Variants in FAM110B observed in about 807,000 individuals in gnomAD.
FAM110B encodes protein FAM110B.
Under a neutral mutation model 20.4 loss-of-function variants are expected in FAM110B, and 6 were observed. The ratio of observed to expected loss-of-function variants is 0.29; its 90% CI spans 0.16 to 0.58. FAM110B has a LOEUF of 0.58. Ranked by LOEUF, FAM110B falls within the 20% of genes least tolerant of loss-of-function variation. FAM110B has a pLI of 0.90. For missense variants in FAM110B, 434 were observed against 498.2 expected (o/e 0.87, Z 1.23); for synonymous variants, 226 against 214.1 (o/e 1.06, Z -0.49).
intron 2 of FAM110B, among the ~76,000 whole-genome samples, chr8:58,062,844 A>G (rs80095488): frequency 6.3e-4 from 96 of 152,368 alleles, no homozygotes; most frequent in African/African-American, 2.0e-3. Context: ...TTCCAAGTAT[A>G]TAAGAATATC....
chr8:58,120,151 G>C lies in FAM110B; in HGVS notation c.-324-25756G>C, dbSNP rs1473347051. Reference sequence around the variant, plus strand: ...GCTGGAGCATATTTAAAGAAGATAGGCAAACTATGTTTGCACATAATTTTT... The same window carrying C: ...GCTGGAGCATATTTAAAGAAGATAGCCAAACTATGTTTGCACATAATTTTT... On this transcript the variant is annotated intron_variant, in intron 3 of 3. Transcript: ENST00000519262. Among the ~76,000 whole-genome samples the C allele has an allele frequency of 2.6e-5, 4 of 152,154 alleles. No individual in the cohort carries two copies. The East Asian group carries it at 7.7e-4, about 29-fold the overall frequency.
chr8:58,023,056 A>C (rs1432316911), intron 1 of FAM110B, among the ~76,000 whole-genome samples: 1 of 152,190 alleles, frequency 6.6e-6, no homozygotes, highest in East Asian at 1.9e-4. Flanking sequence ...CTTCATCAGA[A>C]CTCTCTAATA....
chr8:58,136,671 C>T (rs560800811), intron 3 of FAM110B, among the ~76,000 whole-genome samples: 14 of 152,174 alleles, frequency 9.2e-5, no homozygotes, highest in Non-Finnish European at 1.8e-4. Flanking sequence ...AAGGCTCCCC[C>T]TCACTGATGC....
At chr8:58,087,486 A>G (rs1007225214) in intron 3 of FAM110B, among the ~76,000 whole-genome samples, 1 of 152,218 alleles carries the variant, frequency 6.6e-6, no homozygotes, top group Non-Finnish European at 1.5e-5. Flanking sequence ...ACAGAGCATC[A>G]GAGAAAAGGG....
At chr8:58,068,857 C>T (rs1404545824) in intron 2 of FAM110B, among the ~76,000 whole-genome samples, 3 of 152,124 alleles carry the variant, frequency 2.0e-5, no homozygotes, top group Non-Finnish European at 4.4e-5. Flanking sequence ...CCCTTTTCAA[C>T]ATAAATTTGT....
chr8:58,029,228 GAACAC>G (rs1804916872), intron 1 of FAM110B, among the ~76,000 whole-genome samples: 1 of 152,182 alleles, frequency 6.6e-6, no homozygotes, highest in Non-Finnish European at 1.5e-5. Flanking sequence ...TTTGTGTATA[GAACAC>G]CTATGTTTTG....
intron 2 of FAM110B, among the ~76,000 whole-genome samples, chr8:58,065,635 A>T (rs1403227013): frequency 6.6e-6 from 1 of 152,168 alleles, no homozygotes; most frequent in Admixed American, 6.5e-5. Context: ...TAGATTAATC[A>T]TATCCAGTTA....
intron 1 of FAM110B, among the ~76,000 whole-genome samples, chr8:58,019,976 G>A (rs991383698): frequency 8.6e-5 from 13 of 151,230 alleles, no homozygotes; most frequent in African/African-American, 2.7e-4. Flanking sequence ...TTATTGTTTG[G>A]TATTATCTTG....
intron 2 of FAM110B, among the ~76,000 whole-genome samples, chr8:58,058,771 T>C (rs1805597958): frequency 6.6e-6 from 1 of 152,214 alleles, no homozygotes; most frequent in South Asian, 2.1e-4. Context: ...TAAAACCTTT[T>C]TTAAAACTTT....
intron 2 of FAM110B, among the ~76,000 whole-genome samples, chr8:58,073,075 T>C (rs1158057785): frequency 6.6e-6 from 1 of 152,122 alleles, no homozygotes; most frequent in Non-Finnish European, 1.5e-5. Flanking sequence ...ATTGGAAAAA[T>C]ATGTAAAGAG....
chr8:58,136,406 GC>G (rs1249471265), intron 3 of FAM110B, among the ~76,000 whole-genome samples: 1 of 152,088 alleles, frequency 6.6e-6, no homozygotes, highest in Non-Finnish European at 1.5e-5. Flanking sequence ...TTTGGTCATG[GC>G]CTCACACATT....
intron 3 of FAM110B, among the ~76,000 whole-genome samples, 193 bp downstream of exon 3, chr8:58,075,816 C>G (rs1211142152): frequency 2.0e-5 from 3 of 152,012 alleles, no homozygotes; most frequent in African/African-American, 4.8e-5. Context: ...CTTGCCAGGA[C>G]CAAAGTATCG....
chr8:58,056,457 G>T (rs755755929), intron 2 of FAM110B, among the ~76,000 whole-genome samples: 1 of 152,128 alleles, frequency 6.6e-6, no homozygotes, highest in Non-Finnish European at 1.5e-5. Flanking sequence ...CTAAGAGAGA[G>T]CACTGACATT....
chr8:58,094,684 C>A (rs1402081997), intron 3 of FAM110B, among the ~76,000 whole-genome samples: 3 of 152,146 alleles, frequency 2.0e-5, no homozygotes, highest in African/African-American at 7.2e-5. Context: ...CATCGATGTT[C>A]GTCAGGGATA....
intron 3 of FAM110B, among the ~76,000 whole-genome samples, chr8:58,125,091 T>C (rs971045845): frequency 3.3e-5 from 5 of 152,248 alleles, no homozygotes; most frequent in Non-Finnish European, 7.3e-5. Context: ...CTTATGCCTG[T>C]AATCCCAGCA....
At chr8:58,081,886 A>G (rs531217936) in intron 3 of FAM110B, among the ~76,000 whole-genome samples, 1 of 152,252 alleles carries the variant, frequency 6.6e-6, no homozygotes, top group South Asian at 2.1e-4. Context: ...TTTAATGTAT[A>G]CCATGTGCAT....
intron 2 of FAM110B, among the ~76,000 whole-genome samples, chr8:58,065,181 GC>G (rs1477145638): frequency 6.6e-6 from 1 of 152,084 alleles, no homozygotes; most frequent in African/African-American, 2.4e-5. Flanking sequence ...AAAATTATAT[GC>G]CTTGATTTTG....
chr8:58,111,002 A>G (rs1213999976), intron 3 of FAM110B, among the ~76,000 whole-genome samples: 1 of 152,220 alleles, frequency 6.6e-6, no homozygotes, highest in Non-Finnish European at 1.5e-5. Flanking sequence ...GTTATTTTTA[A>G]ATCTGTGAAA....
intron 3 of FAM110B, among the ~76,000 whole-genome samples, chr8:58,123,835 C>G (rs925994726): frequency 6.6e-6 from 1 of 152,144 alleles, no homozygotes; most frequent in African/African-American, 2.4e-5. Context: ...TACACTTTCC[C>G]GCTGCGCATA....
Sources: allele counts gnomAD v4.1 joint callset (sites outside exome capture counted in the v4.1 genomes callset), GRCh38; gene constraint gnomAD v4.1.1; transcripts MANE v1.5; gene names NCBI Gene and HGNC (gene_info 2026-07-23, HGNC 2026-07-21).